The following ARSG variants were observed in gnomAD, a reference collection of about 807,000 sequenced individuals.
ARSG encodes the protein arylsulfatase G, also known as ASG.
A neutral mutation model predicts 50.5 loss-of-function variants in ARSG; 37 were observed. That is an observed-to-expected ratio of 0.73 (90% confidence interval 0.56 to 0.96). The LOEUF (loss-of-function observed/expected upper bound fraction) is 0.96, where lower values mean the gene tolerates loss of function less well. ARSG is among the 50% of genes least tolerant of loss of function. The pLI is 0.00. For missense variants in ARSG, 629 were observed against 675.3 expected, an observed-to-expected ratio of 0.93 and a Z score of 0.76; for synonymous variants, 225 against 254.6, an observed-to-expected ratio of 0.88 and a Z score of 1.11.
intron 9 of ARSG, among the ~76,000 whole-genome samples, chr17:68,393,138 C>T (rs75850252): frequency 0.089 from 13,514 of 152,274 alleles, 1,444 homozygotes; most frequent in African/African-American, 0.25. Context: ...ACACAACCAC[C>T]TGTGAGCTGG....
In ARSG at chr17:68,416,502, G is replaced by A. The variant is rs750333199; in HGVS notation, c.1304-3687G>A. 3.7e-4 allele frequency among the ~76,000 whole-genome samples: 56 copies of A among 152,206 alleles called. 2 individuals are homozygous for A. The highest frequency in any genetic ancestry group is 3.1e-4 in the Non-Finnish European group (21 of 67,972). On this transcript the variant is annotated intron_variant, in intron 11 of 11. Coordinates refer to ENST00000621439, the MANE Select transcript of ARSG (RefSeq NM_001267727.2). ...GTGTTCTTTGAGCTTCTTGTATTTG[G>A]ATGTCTAGGTTTCTAGCAAGGCCAG...
intron 9 of ARSG, among the ~76,000 whole-genome samples, chr17:68,386,610 A>G (rs1377394560): frequency 6.6e-6 from 1 of 152,196 alleles, no homozygotes; most frequent in Non-Finnish European, 1.5e-5. Flanking sequence ...CAACAACAGC[A>G]GAGCCTGGAA....
At chr17:68,275,843 C>T (rs1043893478) in intron 1 of ARSG, among the ~76,000 whole-genome samples, 6 of 151,608 alleles carry the variant, frequency 4.0e-5, no homozygotes, top group East Asian at 2.0e-4. Flanking sequence ...ATTAGCCAGG[C>T]GTGGTGGCAG....
intron 2 of ARSG, among the ~76,000 whole-genome samples, chr17:68,309,006 G>A (rs562005255): frequency 6.6e-6 from 1 of 152,248 alleles, no homozygotes; most frequent in African/African-American, 2.4e-5. Context: ...GCCCACGGAG[G>A]GGGTGGGAGG....
intron 3 of ARSG, chr17:68,346,631 G>T (rs1399196423): frequency 4.4e-6 from 4 of 903,348 alleles, no homozygotes; most frequent in Non-Finnish European, 4.4e-6. Flanking sequence ...CTCATTTGCT[G>T]CCCCGTAGGT....
chr17:68,411,251 G>A (rs1188028477), intron 11 of ARSG, among the ~76,000 whole-genome samples: 2 of 152,260 alleles, frequency 1.3e-5, no homozygotes, highest in East Asian at 3.9e-4. Flanking sequence ...GCTTTCTCTT[G>A]TGGGCATTTA....
intron 8 of ARSG, among the ~76,000 whole-genome samples, chr17:68,374,238 A>G (rs1173939278): frequency 8.6e-5 from 13 of 152,026 alleles, no homozygotes; most frequent in Admixed American, 8.5e-4. Context: ...GCTGATTACA[A>G]TTCCTCCTTT....
At chr17:68,440,094 G>A in the ARSG span, among the ~76,000 whole-genome samples, 1 of 152,184 alleles carries the variant, frequency 6.6e-6, no homozygotes, top group African/African-American at 2.4e-5. Flanking sequence ...AAGGGACAAA[G>A]GATAAGAGTG....
intron 2 of ARSG, among the ~76,000 whole-genome samples, chr17:68,310,925 G>T (rs2076827708): frequency 6.6e-6 from 1 of 152,206 alleles, no homozygotes; most frequent in African/African-American, 2.4e-5. Flanking sequence ...GTTTGGCTGG[G>T]TGTGGTGGCT....
At chr17:68,338,873 G>A (rs1292508946) in intron 2 of ARSG, among the ~76,000 whole-genome samples, 1 of 152,228 alleles carries the variant, frequency 6.6e-6, no homozygotes, top group Non-Finnish European at 1.5e-5. Flanking sequence ...TGAGTATAGG[G>A]ACTGTTTCTT....
chr17:68,436,364 A>G, the ARSG span: 1 of 1,611,874 alleles, frequency 6.2e-7, no homozygotes, highest in Admixed American at 1.7e-5. Context: ...TGGCTCAGCC[A>G]GGTCACCGTC....
intron 11 of ARSG, among the ~76,000 whole-genome samples, chr17:68,403,892 T>C (rs1317595040): frequency 6.6e-6 from 1 of 151,992 alleles, no homozygotes; most frequent in Non-Finnish European, 1.5e-5. Context: ...CGGTGTGTGA[T>C]GTTCCCCTTC....
Position 68,386,062 on chromosome 17 carries a change from C to T in ARSG, c.1091+890C>T, listed in dbSNP as rs2080707883. ...CACATCAGGTAAATGTGATGTCTCA[C>T]CATTATTCTTATTGCCGCCTTAAGG... is the stretch of plus-strand genomic sequence containing the variant. On this transcript the variant is annotated intron_variant, in intron 9 of 11. Transcript: ENST00000621439. Among the ~76,000 whole-genome samples, 3 of 152,158 alleles carry T rather than the reference C, an allele frequency of 2.0e-5. No individual in the cohort carries two copies. The South Asian group carries it at 6.2e-4, about 32-fold the overall frequency.
intron 6 of ARSG, 59 bp downstream of exon 6, chr17:68,356,863 A>G: frequency 6.2e-7 from 1 of 1,608,446 alleles, no homozygotes; most frequent in Non-Finnish European, 8.5e-7. Context: ...CCGTGCACAC[A>G]CACCATGTCC....
downstream of ARSG, chr17:68,426,104 A>T (rs773809289): frequency 6.2e-7 from 1 of 1,612,732 alleles, no homozygotes; most frequent in South Asian, 1.1e-5. Flanking sequence ...TCATCAAGAC[A>T]CACTGGTCCC....
chr17:68,391,881 G>T (rs568217198), intron 9 of ARSG, among the ~76,000 whole-genome samples: 1 of 152,306 alleles, frequency 6.6e-6, no homozygotes, highest in African/African-American at 2.4e-5. Context: ...GGAGCCAAAG[G>T]CAAACAGAAA....
At chr17:68,426,284 GCTGT>G (rs1309940109), downstream of ARSG, 5 of 845,270 alleles carry the variant, frequency 5.9e-6, no homozygotes, top group Middle Eastern at 3.4e-4. Flanking sequence ...AAGCAAAGGG[GCTGT>G]CTGTCTTCCC....
At chr17:68,438,434 G>A in the ARSG span, among the ~76,000 whole-genome samples, 1 of 152,200 alleles carries the variant, frequency 6.6e-6, no homozygotes, top group African/African-American at 2.4e-5. Context: ...AACTGGGGAG[G>A]GAAGGCAGTC....
chr17:68,305,143 T>A (rs1426607725), intron 1 of ARSG, among the ~76,000 whole-genome samples: 2 of 152,112 alleles, frequency 1.3e-5, no homozygotes, highest in Admixed American at 1.3e-4. Context: ...TCTTTAAAAA[T>A]AAATACATAA....
Sources: gnomAD v4.1 joint callset for allele counts (sites outside exome capture counted in the v4.1 genomes callset) on GRCh38, gnomAD v4.1.1 for gene constraint, MANE v1.5 for transcripts, NCBI Gene and HGNC (gene_info 2026-07-23, HGNC 2026-07-21) for gene names.